Variants in CACNB2 observed in about 807,000 individuals in gnomAD.
CACNB2 encodes voltage-dependent L-type calcium channel subunit beta-2.
In CACNB2, 42 loss-of-function variants were observed where a neutral mutation model predicts 73.3. That is an observed-to-expected ratio of 0.57 (90% CI 0.45 to 0.74). The LOEUF (loss-of-function observed/expected upper bound fraction) is 0.74. CACNB2 is among the 30% of genes least tolerant of loss of function. The pLI, the probability that CACNB2 is intolerant of heterozygous loss-of-function variation, is 0.00. For synonymous variants in CACNB2, 348 were observed against 310.3 expected (o/e 1.12, Z -1.28); for missense variants, 940 against 853.0 (o/e 1.10, Z -1.27).
intron 2 of CACNB2, among the ~76,000 whole-genome samples, chr10:18,226,574 G>A (rs1488409225): frequency 6.6e-6 from 1 of 152,156 alleles, no homozygotes; most frequent in East Asian, 1.9e-4. Context: ...TGATCTTCCT[G>A]TTTGTTGCTT....
intron 3 of CACNB2, among the ~76,000 whole-genome samples, chr10:18,438,113 G>A (rs2046234081): frequency 7.4e-6 from 1 of 135,362 alleles, no homozygotes; most frequent in Non-Finnish European, 1.5e-5. Flanking sequence ...CGCCTCCCGG[G>A]TTCATGCCAT....
chr10:18,175,826 G>A (rs990097101), intron 2 of CACNB2, among the ~76,000 whole-genome samples: 1 of 152,156 alleles, frequency 6.6e-6, no homozygotes, highest in African/African-American at 2.4e-5. Context: ...TCAAACTCCT[G>A]ACCTCAAGTG....
rs146506743 is a variant in CACNB2, at chr10:18,500,030, G to A, written c.457-782G>A. ...CTACCATTTTGGTAACCTCTGAAAA[G>A]AGATGTCAAATACTGGCTAGGTGGG... is the stretch of plus-strand genomic sequence containing the variant. On this transcript the variant is annotated intron_variant, in intron 4 of 13. Coordinates refer to ENST00000324631, the MANE Select transcript of CACNB2 (RefSeq NM_201596.3). Among the ~76,000 whole-genome samples, 351 of 152,264 alleles carry A rather than the reference G, an allele frequency of 2.3e-3. 1 individual carries two copies. The highest frequency in any genetic ancestry group is 7.9e-3 in the African/African-American group (327 of 41,552).
chr10:18,292,003 A>G (rs1292985135), intron 2 of CACNB2, among the ~76,000 whole-genome samples: 3 of 152,184 alleles, frequency 2.0e-5, no homozygotes, highest in Non-Finnish European at 4.4e-5. Context: ...TTGTTTTGCC[A>G]TTTTTAGGTT....
intron 9 of CACNB2, chr10:18,520,099 A>C (rs1198996666): frequency 2.6e-5 from 5 of 190,342 alleles, no homozygotes; most frequent in Middle Eastern, 2.0e-3. Context: ...TTCATTCAGC[A>C]TCAGATTTTT....
At chr10:18,386,608 G>A (rs1376208128) in intron 2 of CACNB2, among the ~76,000 whole-genome samples, 2 of 151,874 alleles carry the variant, frequency 1.3e-5, no homozygotes, top group South Asian at 2.1e-4. Context: ...GGGTTTCACC[G>A]TGTTAGCCAG....
intron 2 of CACNB2, among the ~76,000 whole-genome samples, chr10:18,216,397 G>C (rs781736759): frequency 7.9e-5 from 12 of 152,144 alleles, no homozygotes; most frequent in Non-Finnish European, 1.5e-4. Flanking sequence ...ATCAAAAGAA[G>C]AGCATCTCTG....
intron 3 of CACNB2, among the ~76,000 whole-genome samples, chr10:18,485,169 A>C (rs1176158965): frequency 6.6e-6 from 1 of 152,188 alleles, no homozygotes; most frequent in Non-Finnish European, 1.5e-5. Flanking sequence ...GTTTCAAAAC[A>C]TATTGTAGGA....
chr10:18,195,450 C>A (rs2034582649), intron 2 of CACNB2, among the ~76,000 whole-genome samples: 1 of 152,190 alleles, frequency 6.6e-6, no homozygotes, highest in East Asian at 1.9e-4. Context: ...CAGGCGAGAT[C>A]CCAGTTCTAG....
chr10:18,481,126 C>T (rs907464863), intron 3 of CACNB2, among the ~76,000 whole-genome samples: 8 of 140,324 alleles, frequency 5.7e-5, no homozygotes, highest in African/African-American at 2.1e-4. Flanking sequence ...AAGCACTGGG[C>T]AGACACACCC....
chr10:18,192,997 A>G (rs2034471552), intron 2 of CACNB2, among the ~76,000 whole-genome samples: 1 of 152,144 alleles, frequency 6.6e-6, no homozygotes, highest in South Asian at 2.1e-4. Flanking sequence ...ATCCTTTTGG[A>G]TATATACGTA....
intron 3 of CACNB2, among the ~76,000 whole-genome samples, chr10:18,434,431 A>G (rs1360925708): frequency 6.6e-6 from 1 of 152,222 alleles, no homozygotes; most frequent in African/African-American, 2.4e-5. Flanking sequence ...TTCCAGAATT[A>G]CTAAAAATCA....
intron 6 of CACNB2, among the ~76,000 whole-genome samples, chr10:18,508,854 A>C (rs982065257): frequency 1.3e-5 from 2 of 152,202 alleles, no homozygotes; most frequent in Non-Finnish European, 1.5e-5. Flanking sequence ...GAACCAGTGT[A>C]TGTCAAGGAC....
rs147718429 is a variant in CACNB2, at chr10:18,245,228, TAG to T, written c.213+94255_213+94256del. On this transcript the variant is annotated intron_variant, in intron 2 of 13. Coordinates refer to ENST00000324631, the MANE Select transcript of CACNB2 (RefSeq NM_201596.3). ...CAAACACATACAGGCACACAGTGTG[TAG>T]AAATGTCTTCTATGTGTCTTTTTTG... 7.6e-3 allele frequency among the ~76,000 whole-genome samples: 1,156 copies of T among 152,322 alleles called. 17 individuals are homozygous for T. Among genetic ancestry groups the T allele is most frequent in the African/African-American group, 0.027 (1,102 of 41,568 alleles).
At chr10:18,489,003 C>A in intron 3 of CACNB2, among the ~76,000 whole-genome samples, 1 of 151,862 alleles carries the variant, frequency 6.6e-6, no homozygotes, top group East Asian at 1.9e-4. Flanking sequence ...CATGGTGATA[C>A]CCCATCTCTA....
At chr10:18,195,555 G>C (rs1470674163) in intron 2 of CACNB2, among the ~76,000 whole-genome samples, 1 of 152,226 alleles carries the variant, frequency 6.6e-6, no homozygotes, top group East Asian at 1.9e-4. Context: ...CACTCATCAA[G>C]AGAGCGTGGA....
At chr10:18,367,236 C>T (rs11013865) in intron 2 of CACNB2, among the ~76,000 whole-genome samples, 36,117 of 151,502 alleles carry the variant, frequency 0.24, 4,823 homozygotes, top group East Asian at 0.67. Context: ...TAGGGACTAG[C>T]ACAAATGTTG....
chr10:18,492,510 A>T (rs970322881), intron 3 of CACNB2, among the ~76,000 whole-genome samples: 9 of 151,278 alleles, frequency 5.9e-5, no homozygotes, highest in Non-Finnish European at 1.0e-4. Context: ...AGTCCCAACT[A>T]CTTGGGAGGC....
intron 3 of CACNB2, among the ~76,000 whole-genome samples, chr10:18,410,670 G>T (rs1433616627): frequency 6.6e-6 from 1 of 152,046 alleles, no homozygotes; most frequent in Non-Finnish European, 1.5e-5. Flanking sequence ...GAAACTAGAG[G>T]GCTACTTATG....
Sources: allele counts gnomAD v4.1 joint callset (sites outside exome capture counted in the v4.1 genomes callset), GRCh38; gene constraint gnomAD v4.1.1; transcripts MANE v1.5; gene names NCBI Gene and HGNC (gene_info 2026-07-23, HGNC 2026-07-21).